The following SOX6 variants were observed in gnomAD, a reference collection of about 807,000 sequenced individuals.
The protein encoded by SOX6 is transcription factor SOX-6.
Under a neutral mutation model 97.8 loss-of-function variants are expected in SOX6, and 11 were observed. That is an observed-to-expected ratio of 0.11 (90% CI 0.07 to 0.19). The LOEUF is 0.19. Among genes scored for constraint, SOX6 ranks in the 10% least tolerant of loss-of-function variants. The pLI, the probability that SOX6 is intolerant of heterozygous loss-of-function variation, is 1.00. For synonymous variants in SOX6, 360 were observed against 371.4 expected, an observed-to-expected ratio of 0.97 and a Z score of 0.35; for missense variants, 810 against 1,039.5, an observed-to-expected ratio of 0.78 and a Z score of 3.04.
At chr11:16,702,174 C>T (rs1316030231) in intron 3 of SOX6, among the ~76,000 whole-genome samples, 1 of 152,062 alleles carries the variant, frequency 6.6e-6, no homozygotes, top group African/African-American at 2.4e-5. Context: ...TAATTTAGCA[C>T]AGAATAGTAA....
intron 4 of SOX6, among the ~76,000 whole-genome samples, chr11:16,517,433 T>C (rs1860991128): frequency 1.3e-5 from 2 of 152,156 alleles, no homozygotes; most frequent in Admixed American, 6.5e-5. Context: ...GAAAACCCCA[T>C]TGTGTCAGAG....
At chr11:16,397,086 C>A (rs1858381961) in intron 1 of SOX6, among the ~76,000 whole-genome samples, 1 of 151,324 alleles carries the variant, frequency 6.6e-6, no homozygotes, top group Non-Finnish European at 1.5e-5. Flanking sequence ...GAACCCAGAA[C>A]TTCCTCTTGT....
chr11:16,520,219 GT>G (rs1229003254), intron 4 of SOX6, among the ~76,000 whole-genome samples: 1 of 152,096 alleles, frequency 6.6e-6, no homozygotes, highest in Non-Finnish European at 1.5e-5. Flanking sequence ...CCACTTGTCA[GT>G]TTTTGTTTTT....
intron 3 of SOX6, among the ~76,000 whole-genome samples, chr11:16,629,246 CTT>C (rs2133994459): frequency 6.6e-6 from 1 of 152,146 alleles, no homozygotes; most frequent in African/African-American, 2.4e-5. Context: ...ATAGATGGGT[CTT>C]TTTATTTTGA....
chr11:16,514,032 T>C (rs1433062524), intron 4 of SOX6, among the ~76,000 whole-genome samples: 1 of 151,854 alleles, frequency 6.6e-6, no homozygotes, highest in Non-Finnish European at 1.5e-5. Flanking sequence ...GCAACAACAG[T>C]GAGACCTCCG....
At chr11:16,365,629 G>A in intron 1 of SOX6, among the ~76,000 whole-genome samples, 1 of 152,050 alleles carries the variant, frequency 6.6e-6, no homozygotes, top group Non-Finnish European at 1.5e-5. Context: ...CAAATCCAAT[G>A]CACTGAGGCT....
intron 1 of SOX6, among the ~76,000 whole-genome samples, chr11:16,394,436 A>AC (rs1858283281): frequency 6.6e-6 from 1 of 151,862 alleles, no homozygotes; most frequent in African/African-American, 2.4e-5. Context: ...CTCATCACCA[A>AC]CAAAAAAAAG....
chr11:16,430,816 G>A (rs970046519), intron 1 of SOX6, among the ~76,000 whole-genome samples: 13 of 152,176 alleles, frequency 8.5e-5, no homozygotes, highest in Non-Finnish European at 1.5e-4. Flanking sequence ...ACAGTTGCCA[G>A]AGCAAACCTT....
At chr11:16,545,338 C>A (rs1384074718) in intron 4 of SOX6, among the ~76,000 whole-genome samples, 1 of 143,522 alleles carries the variant, frequency 7.0e-6, no homozygotes, top group Admixed American at 6.9e-5. Flanking sequence ...AAGTAAAGTC[C>A]AAGCCCAAAA....
chr11:16,643,782 G>A (rs1047619834), intron 3 of SOX6, among the ~76,000 whole-genome samples: 1 of 152,200 alleles, frequency 6.6e-6, no homozygotes, highest in African/African-American at 2.4e-5. Context: ...ATTAGGGTGG[G>A]AGTGACCTGA....
chr11:16,507,264 T>G (rs1238457021), intron 4 of SOX6, among the ~76,000 whole-genome samples: 2 of 152,068 alleles, frequency 1.3e-5, no homozygotes, highest in Non-Finnish European at 2.9e-5. Context: ...AAATCTCTTT[T>G]CTTTGTAGAT....
intron 2 of SOX6, among the ~76,000 whole-genome samples, chr11:16,721,659 G>A (rs1313459600): frequency 7.1e-6 from 1 of 140,504 alleles, no homozygotes; most frequent in Non-Finnish European, 1.5e-5. Context: ...CCTGCCAGCC[G>A]TGTGAAGACT....
At chr11:16,646,582 T>A (rs1849018434) in intron 3 of SOX6, among the ~76,000 whole-genome samples, 1 of 151,888 alleles carries the variant, frequency 6.6e-6, no homozygotes, top group Admixed American at 6.6e-5. Context: ...ATCTGAGGAG[T>A]ATACACTGAA....
At chr11:15,994,693 G>A (rs1200497994) in intron 13 of SOX6, among the ~76,000 whole-genome samples, 2 of 151,962 alleles carry the variant, frequency 1.3e-5, no homozygotes, top group Non-Finnish European at 2.9e-5. Context: ...CCTCTTCAAG[G>A]GCCCATTAAA....
At chr11:16,361,600 C>T (rs1446606493) in intron 1 of SOX6, among the ~76,000 whole-genome samples, 1 of 152,134 alleles carries the variant, frequency 6.6e-6, no homozygotes, top group Non-Finnish European at 1.5e-5. Flanking sequence ...AGATAGCATA[C>T]CTCAGAGTGA....
chr11:15,973,684 T>C (rs1049823940), intron 15 of SOX6, among the ~76,000 whole-genome samples: 5 of 152,186 alleles, frequency 3.3e-5, no homozygotes, highest in Non-Finnish European at 7.3e-5. Context: ...ATAATCCCTG[T>C]GGAAGGATCA....
rs532762729 is a variant in SOX6 at position 16,319,950 on chromosome 11, T to C, written c.238-1297A>G. Among the ~76,000 whole-genome samples the C allele has an allele frequency of 2.0e-4, 31 of 152,182 alleles. No individual in the cohort carries two copies. The South Asian group carries it at 2.1e-3, about 10-fold the overall frequency. On this transcript the variant is annotated intron_variant, in intron 2 of 15. Transcript: ENST00000683767. ...TAGAAATATTTGTGCAGGAATTACTTCATAGTATAGAGAAGTTAGCTAACT... is the reference window on the plus strand; with the variant it reads ...TAGAAATATTTGTGCAGGAATTACTCCATAGTATAGAGAAGTTAGCTAACT...
rs921283078 is a variant in SOX6, at chr11:16,383,892, C to G, written c.-4-42640G>C. 4.6e-5 allele frequency among the ~76,000 whole-genome samples: 7 copies of G among 151,764 alleles called. 1 individual carries two copies. Among genetic ancestry groups the G allele is most frequent in the African/African-American group, 1.7e-4 (7 of 41,364 alleles). On this transcript the variant is annotated intron_variant, in intron 1 of 15. Coordinates refer to the SOX6 transcript ENST00000396356. ...TTACAGAGAAATGACAACTTCAAGT[C>G]TGAAAAAGGCAAAGATAGGAAACCA...
At chr11:16,259,230 G>A (rs1423923133) in intron 3 of SOX6, among the ~76,000 whole-genome samples, 1 of 151,436 alleles carries the variant, frequency 6.6e-6, no homozygotes, top group African/African-American at 2.4e-5. Flanking sequence ...AATATACAGG[G>A]TGTTTACATA....
Sources: allele counts gnomAD v4.1 joint callset (sites outside exome capture counted in the v4.1 genomes callset), GRCh38; gene constraint gnomAD v4.1.1; transcripts MANE v1.5; gene names NCBI Gene and HGNC (gene_info 2026-07-23, HGNC 2026-07-21).